The following MAD1L1 variants were observed in gnomAD, a reference collection of about 807,000 sequenced individuals.
MAD1L1 encodes the protein mitotic arrest deficient 1 like 1.
A neutral mutation model predicts 96.9 loss-of-function variants in MAD1L1; 95 were observed. The ratio of observed to expected loss-of-function variants is 0.98; its 90% confidence interval spans 0.83 to 1.16. The LOEUF is 1.16. MAD1L1 is among the 50% of genes most tolerant of loss of function. The pLI is 0.00. For synonymous variants in MAD1L1, 473 were observed against 396.6 expected (o/e 1.19, Z -2.29); for missense variants, 1,007 against 954.4 (o/e 1.06, Z -0.73).
chr7:2,021,331 G>A (rs1416577510), intron 12 of MAD1L1, among the ~76,000 whole-genome samples: 4 of 152,204 alleles, frequency 2.6e-5, no homozygotes, highest in African/African-American at 9.7e-5. Context: ...AACCAAGAGA[G>A]TGAGAAATGC....
intron 17 of MAD1L1, among the ~76,000 whole-genome samples, chr7:1,911,730 C>T (rs779804855): frequency 4.6e-5 from 7 of 151,994 alleles, no homozygotes; most frequent in East Asian, 3.9e-4. Flanking sequence ...TCCAGTCTGG[C>T]GTCACCTCCA....
chr7:2,141,277 G>A (rs565316122), intron 11 of MAD1L1, among the ~76,000 whole-genome samples: 24 of 152,370 alleles, frequency 1.6e-4, no homozygotes, highest in Middle Eastern at 3.4e-3. Context: ...GGCAGACACC[G>A]CGTGCTGCGG....
At chr7:2,002,475 G>A (rs1781842414) in intron 13 of MAD1L1, among the ~76,000 whole-genome samples, 1 of 152,222 alleles carries the variant, frequency 6.6e-6, no homozygotes, top group Non-Finnish European at 1.5e-5. Flanking sequence ...GGAGGGAAAG[G>A]TTCAGCATGG....
At position 1,938,692 on chromosome 7, in the gene MAD1L1, A is replaced by G. The variant is rs114805883; in HGVS notation, c.1597-1795T>C. On this transcript the variant is annotated intron_variant, in intron 16 of 18. Transcript: ENST00000265854. ...CAAAAAGACACCCAAAAAGCTGATA[A>G]ACATATGAAAAGGTGCACACACATG... is the stretch of plus-strand genomic sequence containing the variant. 4.5e-3 allele frequency among the ~76,000 whole-genome samples: 680 copies of G among 152,268 alleles called. 5 individuals are homozygous for G. Among genetic ancestry groups the G allele is most frequent in the African/African-American group, 0.016 (655 of 41,550 alleles).
chr7:1,874,249 G>C (rs1785259333), intron 18 of MAD1L1, among the ~76,000 whole-genome samples: 1 of 152,226 alleles, frequency 6.6e-6, no homozygotes, highest in Non-Finnish European at 1.5e-5. Context: ...CAGCGCATCA[G>C]CTTTGGGGAG....
At chr7:1,904,611 T>C (rs1328388749) in intron 17 of MAD1L1, among the ~76,000 whole-genome samples, 6 of 127,740 alleles carry the variant, frequency 4.7e-5, no homozygotes, top group Non-Finnish European at 9.4e-5. Flanking sequence ...GAAGCATTGT[T>C]CCAGGCAGCG....
intron 12 of MAD1L1, among the ~76,000 whole-genome samples, chr7:2,018,077 C>T (rs545454536): frequency 1.3e-5 from 2 of 152,180 alleles, no homozygotes; most frequent in South Asian, 2.1e-4. Context: ...ACGGAGGCAC[C>T]GCAGTGGGCA....
intron 12 of MAD1L1, among the ~76,000 whole-genome samples, chr7:2,029,654 A>G (rs1783132453): frequency 6.6e-6 from 1 of 152,196 alleles, no homozygotes; most frequent in African/African-American, 2.4e-5. Flanking sequence ...GCTCAGGGCA[A>G]ACACACTCAG....
intron 12 of MAD1L1, among the ~76,000 whole-genome samples, chr7:2,049,175 A>T (rs73672022): frequency 6.6e-6 from 1 of 152,234 alleles, no homozygotes; most frequent in African/African-American, 2.4e-5. Flanking sequence ...CCAGAGAGGA[A>T]GCAAAGGCAA....
At chr7:2,045,042 A>T (rs989567048) in intron 12 of MAD1L1, among the ~76,000 whole-genome samples, 1 of 152,220 alleles carries the variant, frequency 6.6e-6, no homozygotes, top group Admixed American at 6.5e-5. Context: ...GATCTGAGCC[A>T]GGGCGCCCTG....
In MAD1L1 at chr7:1,860,394, G is replaced by A. The variant is rs570416073; in HGVS notation, c.1998+37806C>T. On this transcript the variant is annotated intron_variant, in intron 18 of 18. Coordinates refer to ENST00000265854, the MANE Select transcript of MAD1L1 (RefSeq NM_001013836.2). The stretch of plus-strand genomic sequence containing the variant: ...CCCTAGACTTGACATCCTGCGGGGC[G>A]GCCTCTGTCTCCCTAGACCTGACAT... Among the ~76,000 whole-genome samples, 4 of 129,686 alleles carry A rather than the reference G, an allele frequency of 3.1e-5. No individual in the cohort carries two copies. In the South Asian group the frequency reaches 7.7e-4, roughly 25 times the overall value. 85.1% of individuals were successfully genotyped at this position (129,686 alleles called of 152,430 possible).
intron 11 of MAD1L1, among the ~76,000 whole-genome samples, chr7:2,125,221 T>A (rs1788174910): frequency 6.6e-6 from 1 of 151,954 alleles, no homozygotes; most frequent in Non-Finnish European, 1.5e-5. Context: ...CCAGGTGCAC[T>A]CCAGCAGGTC....
At chr7:2,020,879 AG>A (rs1411110882) in intron 12 of MAD1L1, among the ~76,000 whole-genome samples, 3 of 152,198 alleles carry the variant, frequency 2.0e-5, no homozygotes, top group South Asian at 2.1e-4. Context: ...TAGAGTAGAA[AG>A]GCTAAAACTG....
At chr7:1,860,864 C>A (rs1168124034) in intron 18 of MAD1L1, among the ~76,000 whole-genome samples, 1 of 152,218 alleles carries the variant, frequency 6.6e-6, no homozygotes, top group Non-Finnish European at 1.5e-5. Flanking sequence ...CCCTGGGTCA[C>A]CCCTGTGCCT....
chr7:1,934,687 G>C (rs559665062), intron 17 of MAD1L1, among the ~76,000 whole-genome samples: 1 of 148,104 alleles, frequency 6.8e-6, no homozygotes, highest in African/African-American at 2.5e-5. Context: ...GGGCGAACCC[G>C]AGACAGGCAG....
intron 18 of MAD1L1, among the ~76,000 whole-genome samples, chr7:1,836,044 C>T (rs904638418): frequency 2.6e-5 from 4 of 152,008 alleles, no homozygotes; most frequent in South Asian, 2.1e-4. Flanking sequence ...TTTTTTAAGA[C>T]GGAGTCTCAC....
At chr7:2,198,542 C>T (rs1212871110) in intron 10 of MAD1L1, among the ~76,000 whole-genome samples, 2 of 152,248 alleles carry the variant, frequency 1.3e-5, no homozygotes, top group East Asian at 1.9e-4. Flanking sequence ...GCCGTCCACC[C>T]GGGACAGCAA....
At chr7:2,112,659 T>C (rs781200363) in intron 11 of MAD1L1, among the ~76,000 whole-genome samples, 31 of 152,144 alleles carry the variant, frequency 2.0e-4, no homozygotes, top group Non-Finnish European at 3.1e-4. Flanking sequence ...CCAGGGGTGC[T>C]GGATGGAGCC....
chr7:2,210,661 C>CA (rs1792891446), intron 10 of MAD1L1, among the ~76,000 whole-genome samples: 2 of 152,242 alleles, frequency 1.3e-5, no homozygotes, highest in Non-Finnish European at 1.5e-5. Context: ...GAACCACACT[C>CA]AGACACCCGC....
Sources: allele counts gnomAD v4.1 joint callset (sites outside exome capture counted in the v4.1 genomes callset), GRCh38; gene constraint gnomAD v4.1.1; transcripts MANE v1.5; gene names NCBI Gene and HGNC (gene_info 2026-07-23, HGNC 2026-07-21).